Variants in EEA1 observed in about 807,000 individuals in gnomAD.
The protein encoded by EEA1 is early endosome antigen 1.
Under a neutral mutation model 209.2 loss-of-function variants are expected in EEA1, and 111 were observed. The ratio of observed to expected loss-of-function variants is 0.53; its 90% confidence interval spans 0.45 to 0.62. EEA1 has a LOEUF of 0.62. EEA1 is among the 20% of genes least tolerant of loss of function. The probability of loss-of-function intolerance (pLI) is 0.00; values close to 1 mark genes in which losing one functional copy is unlikely to be tolerated. For synonymous variants in EEA1, 536 were observed against 540.6 expected (o/e 0.99, Z 0.12); for missense variants, 1,343 against 1,530.8 (o/e 0.88, Z 2.05).
At position 92,826,234 on chromosome 12, in the gene EEA1, T is replaced by C; in HGVS notation, c.1456A>G (p.Thr486Ala). 7 of 1,613,660 alleles carry C rather than the reference T, an allele frequency of 4.3e-6. No individual in the cohort carries two copies. Among genetic ancestry groups the C allele is most frequent in the Non-Finnish European group, 5.1e-6 (6 of 1,179,632 alleles). Residue 486 changes from threonine (T) to alanine (A), a missense_variant, in exon 13 of 29, where the codon ACA (threonine) becomes GCA (alanine). By Grantham distance (58) the Thr-to-Ala change is moderately conservative. This residue lies in a region of EEA1 where 1,307 missense variants were observed against 1,465.5 expected (regional missense o/e 0.89). Transcript: ENST00000322349. Reference sequence around the variant, plus strand: ...TGTTGTTCTTGATGCTGTTGCTTTGTTTTATCTAATTGATGCTGCAATTCT... The same window carrying C: ...TGTTGTTCTTGATGCTGTTGCTTTGCTTTATCTAATTGATGCTGCAATTCT... ...STELQHQLDK[T>A]KQQHQEQQAL...
intron 3 of EEA1, 35 bp from the exon 4 acceptor site, chr12:92,857,520 A>C (rs1202094821): frequency 7.2e-7 from 1 of 1,391,990 alleles, no homozygotes; most frequent in East Asian, 2.4e-5. Context: ...TTAATAGTCA[A>C]TGTCCTTTAA....
intron 12 of EEA1, among the ~76,000 whole-genome samples, chr12:92,826,720 A>G (rs1876321467): frequency 7.6e-6 from 1 of 132,064 alleles, no homozygotes; most frequent in Admixed American, 7.2e-5. Context: ...GTCTCAAAAA[A>G]AAAAAAAAAA....
At chr12:92,777,320 C>T (rs1404510734) in intron 27 of EEA1, among the ~76,000 whole-genome samples, 1 of 151,884 alleles carries the variant, frequency 6.6e-6, no homozygotes, top group Non-Finnish European at 1.5e-5. Context: ...CATATACTAA[C>T]AATTAATGAA....
chr12:92,892,931 G>C (rs1057377858), intron 1 of EEA1, among the ~76,000 whole-genome samples: 3 of 152,096 alleles, frequency 2.0e-5, no homozygotes, highest in Non-Finnish European at 4.4e-5. Context: ...CGCCCAGCCG[G>C]CAATAGTCTC....
rs1397174503 is a variant in EEA1 at position 92,775,273 on chromosome 12, C to CA, written c.*737dup. The stretch of plus-strand genomic sequence containing the variant: ...AGTTTAAGAAAGAGACAGAAAAAGA[C>CA]AAAAAGAAAAATTAACCCTATTCTT... On this transcript the variant is annotated 3_prime_UTR_variant, in exon 29 of 29. Transcript: ENST00000322349. 6.6e-6 allele frequency: 1 copy of CA among 151,442 alleles called. No homozygotes were observed. The highest frequency in any genetic ancestry group is 2.4e-5 in the African/African-American group (1 of 41,354). 9.4% of individuals were successfully genotyped at this position (151,442 alleles called of 1,614,324 possible).
At position 92,880,661 on chromosome 12, in the gene EEA1, G is replaced by C. The variant is rs151021408; in HGVS notation, c.117+10968C>G. 3.6e-3 allele frequency among the ~76,000 whole-genome samples: 548 copies of C among 152,178 alleles called. 2 individuals carry two copies. Among genetic ancestry groups the C allele is most frequent in the African/African-American group, 0.013 (526 of 41,536 alleles). ...GGCTAATTTTTTTGTATTTTTAGTA[G>C]AGACGGGGTTTCACAGTGTTAGCCA... On this transcript the variant is annotated intron_variant, in intron 2 of 28. Transcript: ENST00000322349.
chr12:92,805,351 T>C (rs185918170), intron 18 of EEA1, among the ~76,000 whole-genome samples: 2 of 152,256 alleles, frequency 1.3e-5, no homozygotes, highest in East Asian at 1.9e-4. Context: ...ATTTTCACCA[T>C]CATATCCCCA....
At chr12:92,923,823 A>G (rs1273231482) in intron 1 of EEA1, among the ~76,000 whole-genome samples, 2 of 150,056 alleles carry the variant, frequency 1.3e-5, no homozygotes, top group East Asian at 3.9e-4. Context: ...CCTATGTTCT[A>G]AGTCCTCATC....
chr12:92,778,293 G>T, intron 25 of EEA1, 114 bp from the exon 26 acceptor site: 1 of 756,658 alleles, frequency 1.3e-6, no homozygotes, highest in South Asian at 1.8e-5. Flanking sequence ...AATGGAGGCA[G>T]GAGAACATAT....
At chr12:92,849,451 T>A (rs1028020444) in intron 9 of EEA1, among the ~76,000 whole-genome samples, 32 of 152,192 alleles carry the variant, frequency 2.1e-4, no homozygotes, top group Non-Finnish European at 4.4e-4. Context: ...ACTTATAGAT[T>A]TATCATTGTC....
Position 92,884,201 on chromosome 12 carries a change from A to G in EEA1, c.117+7428T>C, listed in dbSNP as rs1879283114. On this transcript the variant is annotated intron_variant, in intron 2 of 28. Transcript: ENST00000322349. ...CATGACTCACTGAGGCAGTGCCAAG[A>G]AAAGGGGCTTTGCCTTTGTAACCTT... 2.7e-6 allele frequency: 4 copies of G among 1,497,510 alleles called. No individual in the cohort carries two copies. In the South Asian group the frequency reaches 3.4e-5, roughly 13 times the overall value. The allele number at this position is 1,497,510 out of a possible 1,614,324, so 92.8% of individuals were successfully genotyped here. A position where few individuals can be genotyped will look rare whatever the true frequency, so the allele number is the denominator to read the frequency against.
intron 1 of EEA1, among the ~76,000 whole-genome samples, chr12:92,902,352 C>A (rs1880180155): frequency 6.6e-6 from 1 of 152,104 alleles, no homozygotes; most frequent in Non-Finnish European, 1.5e-5. Flanking sequence ...CAAAAACGCC[C>A]TGGATGCGCA....
Position 92,876,951 on chromosome 12 carries a change from T to TG in EEA1, c.118-11965_118-11964insC, listed in dbSNP as rs768995437. On this transcript the variant is annotated intron_variant, in intron 2 of 28. Coordinates refer to ENST00000322349, the MANE Select transcript of EEA1 (RefSeq NM_003566.4). ...CCATTAACCTGGGTGTTGTTTTTTT[T>TG]TTTTGTTTTTGAGACAGAGTCTTGC... Among the ~76,000 whole-genome samples, 357 of 150,718 alleles carry TG rather than the reference T, an allele frequency of 2.4e-3. 1 individual carries two copies. Among genetic ancestry groups the TG allele is most frequent in the Non-Finnish European group, 4.2e-3 (284 of 67,588 alleles).
intron 2 of EEA1, among the ~76,000 whole-genome samples, chr12:92,870,657 T>C (rs1878601870): frequency 6.6e-6 from 1 of 152,060 alleles, no homozygotes; most frequent in South Asian, 2.1e-4. Flanking sequence ...TGCAAAGTCT[T>C]TTTCCTTTTT....
At chr12:92,905,138 C>G (rs1880318790) in intron 1 of EEA1, among the ~76,000 whole-genome samples, 1 of 152,054 alleles carries the variant, frequency 6.6e-6, no homozygotes, top group Non-Finnish European at 1.5e-5. Flanking sequence ...TTATGAATGA[C>G]AAATGACATT....
At chr12:92,856,900 T>C (rs1251308446) in intron 5 of EEA1, among the ~76,000 whole-genome samples, 2 of 150,380 alleles carry the variant, frequency 1.3e-5, no homozygotes, top group East Asian at 2.0e-4. Context: ...GCCTCTCAAG[T>C]AGCTGGGACC....
At chr12:92,778,342 A>G (rs929624622) in intron 25 of EEA1, among the ~76,000 whole-genome samples, 163 bp from the exon 26 acceptor site, 4 of 152,006 alleles carry the variant, frequency 2.6e-5, no homozygotes, top group African/African-American at 7.2e-5. Context: ...ACAAGCATCT[A>G]TGTAATATGA....
chr12:92,868,274 T>G (rs78471728), intron 2 of EEA1, among the ~76,000 whole-genome samples: 1 of 152,186 alleles, frequency 6.6e-6, no homozygotes, highest in Non-Finnish European at 1.5e-5. Context: ...CAAAACCATC[T>G]GTTGGCATTC....
intron 21 of EEA1, among the ~76,000 whole-genome samples, chr12:92,790,299 T>C (rs1874342131): frequency 6.6e-6 from 1 of 152,168 alleles, no homozygotes; most frequent in Admixed American, 6.5e-5. Context: ...AGTTGACAGA[T>C]GTAGGCTTCA....
Sources: gnomAD v4.1 joint callset for allele counts (sites outside exome capture counted in the v4.1 genomes callset) on GRCh38, gnomAD v4.1.1 for gene constraint, gnomAD v4.1.1 regional missense constraint, MANE v1.5 for transcripts, NCBI Gene and HGNC (gene_info 2026-07-23, HGNC 2026-07-21) for gene names.